The following NKAIN4 variants were observed in gnomAD, a reference collection of about 807,000 sequenced individuals.
NKAIN4 encodes sodium/potassium transporting ATPase interacting 4.
A neutral mutation model predicts 28.8 loss-of-function variants in NKAIN4; 28 were observed. The observed-to-expected ratio is 0.97, with a 90% CI of 0.72 to 1.33. The LOEUF (loss-of-function observed/expected upper bound fraction) is 1.33, where lower values mean the gene tolerates loss of function less well. NKAIN4 is among the 40% of genes most tolerant of loss of function. The probability of loss-of-function intolerance (pLI) is 0.00; values close to 1 mark genes in which losing one functional copy is unlikely to be tolerated. For missense variants in NKAIN4, 289 were observed against 277.2 expected, an observed-to-expected ratio of 1.04 and a Z score of -0.30; for synonymous variants, 122 against 115.6, an observed-to-expected ratio of 1.06 and a Z score of -0.36.
At chr20:63,243,965 A>G (rs2066809306) in intron 5 of NKAIN4, 59 bp downstream of exon 5, 3 of 1,447,346 alleles carry the variant, frequency 2.1e-6, no homozygotes, top group Middle Eastern at 1.7e-4. Context: ...GGACAGACTC[A>G]GAGCTGCCAC....
intron 2 of NKAIN4, chr20:63,249,104 C>T (rs2066911725): frequency 2.9e-5 from 16 of 555,890 alleles, no homozygotes; most frequent in South Asian, 2.8e-4. Context: ...CGTGGGTGCC[C>T]CGGGAATGAG....
chr20:63,250,492 G>C (rs758794525), intron 1 of NKAIN4, among the ~76,000 whole-genome samples: 1 of 152,172 alleles, frequency 6.6e-6, no homozygotes, highest in Non-Finnish European at 1.5e-5. Flanking sequence ...ACGCCACTCG[G>C]GGGGGTCGGA....
rs1393496513 is a variant in NKAIN4, at chr20:63,241,465, G to A, written c.*32C>T. ...TCACTGGTCGGTCGCTGAGGCTGGA[G>A]GCCACAGGAGCAGGATCAGCTGTTT... On this transcript the variant is annotated 3_prime_UTR_variant, in exon 7 of 7. Transcript: ENST00000370316. 3 of 1,550,240 alleles carry A rather than the reference G, an allele frequency of 1.9e-6. No individual in the cohort carries two copies. Among genetic ancestry groups the A allele is most frequent in the Non-Finnish European group, 1.7e-6 (2 of 1,146,778 alleles).
At chr20:63,247,905 C>T (rs2066890921) in intron 3 of NKAIN4, 130 bp from the exon 4 acceptor site, 1 of 1,262,980 alleles carries the variant, frequency 7.9e-7, no homozygotes, top group Non-Finnish European at 1.0e-6. Flanking sequence ...CCTGTCCTCC[C>T]ACTGCACCCC....
chr20:63,246,362 C>T lies in NKAIN4; in HGVS notation c.471+1216G>A, dbSNP rs546340040. Among the ~76,000 whole-genome samples the T allele has an allele frequency of 2.5e-4, 38 of 152,364 alleles. No homozygotes were observed. The South Asian group carries it at 6.8e-3, about 27-fold the overall frequency. ...ATTTTGGGGGCAATTGGGGCCCCCT[C>T]TGTGCCTTGCTGACTGGCTTTGGTG... On this transcript the variant is annotated intron_variant, in intron 4 of 6. Coordinates refer to ENST00000370316, the MANE Select transcript of NKAIN4 (RefSeq NM_152864.4).
rs1385316232 is a variant in NKAIN4, at chr20:63,247,631, G to A, written c.418C>T (p.Leu140=). 1 of 1,547,726 alleles carries A rather than the reference G, an allele frequency of 6.5e-7. No individual in the cohort carries two copies. Among genetic ancestry groups the A allele is most frequent in the Non-Finnish European group, 8.7e-7 (1 of 1,145,514 alleles). The change falls in exon 4 of 7, where the codon CTG becomes TTG. Residue 140 remains leucine, a synonymous_variant. Transcript: ENST00000370316. ...AGGGCCTCCACATAGCTGGGCTCCAGGGCACAGCCAGCACCTGACACCAGG... is the reference window on the plus strand; with the variant it reads ...AGGGCCTCCACATAGCTGGGCTCCAAGGCACAGCCAGCACCTGACACCAGG... ...QALVSGAGCA[L]EPSYVEALHS...
chr20:63,246,928 A>G (rs2066869111), intron 4 of NKAIN4: 1 of 985,876 alleles, frequency 1.0e-6, no homozygotes, highest in Non-Finnish European at 1.2e-6. Context: ...CCGTGTGGCC[A>G]TACCAGGAGC....
Position 63,253,732 on chromosome 20 carries a change from G to A in NKAIN4, c.54+665C>T, listed in dbSNP as rs138715635. Among the ~76,000 whole-genome samples the A allele has an allele frequency of 5.8e-3, 879 of 152,294 alleles. 10 individuals carry two copies. The highest frequency in any genetic ancestry group is 0.02 in the African/African-American group (819 of 41,568). On this transcript the variant is annotated intron_variant, in intron 1 of 6. Transcript: ENST00000370316. ...TCCGGGGCAGAATGGAAACTTGGCC[G>A]AGGGAGCCCCGACCAATCCCGACAC...
At chr20:63,251,003 G>C (rs1210123482) in intron 1 of NKAIN4, among the ~76,000 whole-genome samples, 1 of 149,922 alleles carries the variant, frequency 6.7e-6, no homozygotes, top group African/African-American at 2.5e-5. Context: ...GCAGAGACCA[G>C]TAGTGGCCCT....
At chr20:63,251,893 G>C (rs1035122276) in intron 1 of NKAIN4, among the ~76,000 whole-genome samples, 1 of 152,098 alleles carries the variant, frequency 6.6e-6, no homozygotes, top group Non-Finnish European at 1.5e-5. Context: ...CCTCCCCATC[G>C]TGCCCGGAGG....
chr20:63,250,163 C>T, intron 1 of NKAIN4, 91 bp from the exon 2 acceptor site: 2 of 1,414,610 alleles, frequency 1.4e-6, no homozygotes, highest in South Asian at 1.4e-5. Flanking sequence ...AGGATCTCAG[C>T]AGGGACTTCC....
intron 3 of NKAIN4, chr20:63,248,400 C>G (rs11086158): frequency 3.3e-5 from 6 of 182,016 alleles, no homozygotes; most frequent in South Asian, 2.5e-4. Flanking sequence ...CCCCTCCCCC[C>G]ACGTTTCCCC....
Position 63,241,449 on chromosome 20 carries a change from G to A in NKAIN4, c.*48C>T, listed in dbSNP as rs536582242. The A allele has an allele frequency of 2.7e-5, 42 of 1,549,112 alleles. No individual in the cohort carries two copies. The highest frequency in any genetic ancestry group is 1.2e-4 in the South Asian group (10 of 84,016). On this transcript the variant is annotated 3_prime_UTR_variant, in exon 7 of 7. Coordinates refer to ENST00000370316, the MANE Select transcript of NKAIN4 (RefSeq NM_152864.4). Reference sequence around the variant, plus strand: ...GGAGCTCCTGTCATTGTCACTGGTCGGTCGCTGAGGCTGGAGGCCACAGGA... The same window carrying A: ...GGAGCTCCTGTCATTGTCACTGGTCAGTCGCTGAGGCTGGAGGCCACAGGA...
At chr20:63,246,823 G>C (rs1332383087) in intron 4 of NKAIN4, 2 of 985,444 alleles carry the variant, frequency 2.0e-6, no homozygotes, top group Non-Finnish European at 2.4e-6. Flanking sequence ...TGAGCACTTC[G>C]AGGAAGGCAC....
At position 63,252,845 on chromosome 20, in the gene NKAIN4, C is replaced by A. The variant is rs2066985042; in HGVS notation, c.54+1552G>T. Among the ~76,000 whole-genome samples, 1 of 152,208 alleles carries A rather than the reference C, an allele frequency of 6.6e-6. No individual in the cohort carries two copies. Among genetic ancestry groups the A allele is most frequent in the Non-Finnish European group, 1.5e-5 (1 of 68,032 alleles). ...TGAAACGGGAACATGACCCCACCCGCCCCTCTGCACCCTGAGGTCACATCC... is the reference window on the plus strand; with the variant it reads ...TGAAACGGGAACATGACCCCACCCGACCCTCTGCACCCTGAGGTCACATCC... On this transcript the variant is annotated intron_variant, in intron 1 of 6. Transcript: ENST00000370316. The surrounding 1 kb of genome is among the most constrained non-coding windows in gnomAD (Gnocchi z 4.6).
At position 63,248,849 on chromosome 20, in the gene NKAIN4, A is replaced by C; in HGVS notation, c.239T>G (p.Ile80Ser). 1 of 1,612,922 alleles carries C rather than the reference A, an allele frequency of 6.2e-7. No homozygotes were observed. Reference protein sequence around the residue: ...AVWVTWNVFIICFYLEVGGLL... With the variant: ...AVWVTWNVFISCFYLEVGGLL... ...GCCACCGACTTCCAGGTAGAAGCAG[A>C]TGATGAAGACGTTCCAGGTGACCCA... Residue 80 changes from isoleucine (I) to serine (S), a missense_variant, in exon 3 of 7, where the codon ATC (isoleucine) becomes AGC (serine). Ile to Ser is a moderately radical substitution (Grantham distance 142, BLOSUM62 -2). Transcript: ENST00000370316.
intron 5 of NKAIN4, among the ~76,000 whole-genome samples, chr20:63,243,047 T>C (rs1355874380): frequency 1.3e-5 from 2 of 152,214 alleles, no homozygotes; most frequent in East Asian, 3.9e-4. Context: ...TTCAGACCGA[T>C]GGCTTCCTTG....
chr20:63,247,186 G>A (rs952203724), intron 4 of NKAIN4: 3 of 1,142,570 alleles, frequency 2.6e-6, no homozygotes, highest in African/African-American at 1.6e-5. Flanking sequence ...ATGGGCTCGG[G>A]GCAGCCGAGG....
At position 63,242,557 on chromosome 20, in the gene NKAIN4, A is replaced by G. The variant is rs1187458155; in HGVS notation, c.599T>C (p.Leu200Ser). The change falls in exon 6 of 7, where the codon TTG becomes TCG. Residue 200 changes from leucine (L) to serine (S), a missense_variant. Coordinates refer to ENST00000370316, the MANE Select transcript of NKAIN4 (RefSeq NM_152864.4). The part of the protein sequence containing the change: ...YHVNEKPSSL[L>S]SKQVYLPA ...TACTTACAAGTACACCTGCTTGGAC[A>G]AGAGACTGGATGGCTTTTCATTGAC... 6.2e-7 allele frequency: 1 copy of G among 1,612,984 alleles called. No individual in the cohort carries two copies. Among genetic ancestry groups the G allele is most frequent in the Non-Finnish European group, 8.5e-7 (1 of 1,179,094 alleles).
Sources: allele counts gnomAD v4.1 joint callset (sites outside exome capture counted in the v4.1 genomes callset), GRCh38; gene constraint gnomAD v4.1.1; non-coding constraint Gnocchi (gnomAD v3.1); transcripts MANE v1.5; gene names NCBI Gene and HGNC (gene_info 2026-07-23, HGNC 2026-07-21).